The following DENND2A variants were observed in gnomAD, a reference collection of about 807,000 sequenced individuals.
The protein encoded by DENND2A is DENN domain-containing protein 2A.
In DENND2A, 53 loss-of-function variants were observed where a neutral mutation model predicts 105.3. That is an observed-to-expected ratio of 0.50 (90% CI 0.40 to 0.63). The LOEUF is 0.63. Among genes scored for constraint, DENND2A ranks in the 30% least tolerant of loss-of-function variants. The pLI is 0.00. For missense variants in DENND2A, 1,138 were observed against 1,279.6 expected (o/e 0.89, Z 1.69); for synonymous variants, 522 against 508.4 (o/e 1.03, Z -0.36).
chr7:140,637,424 G>A (rs1159468479), intron 1 of DENND2A, among the ~76,000 whole-genome samples: 1 of 152,208 alleles, frequency 6.6e-6, no homozygotes, highest in African/African-American at 2.4e-5. Context: ...CCAAAGGGAA[G>A]AGCCTGGCCA....
chr7:140,525,493 A>C (rs977664617), intron 16 of DENND2A, among the ~76,000 whole-genome samples: 1 of 152,184 alleles, frequency 6.6e-6, no homozygotes, highest in Admixed American at 6.5e-5. Context: ...TATAGTTATA[A>C]GATTACAAAG....
At chr7:140,581,468 G>A (rs1411763290) in intron 5 of DENND2A, among the ~76,000 whole-genome samples, 1 of 152,178 alleles carries the variant, frequency 6.6e-6, no homozygotes, top group East Asian at 1.9e-4. Flanking sequence ...CTAATGAAAT[G>A]AACATCCCAA....
chr7:140,527,270 G>A lies in DENND2A; in HGVS notation c.2505+48C>T. 1 of 1,510,508 alleles carries A rather than the reference G, an allele frequency of 6.6e-7. No individual in the cohort carries two copies. The highest frequency in any genetic ancestry group is 8.9e-7 in the Non-Finnish European group (1 of 1,123,418). 93.6% of individuals were successfully genotyped at this position (1,510,508 alleles called of 1,614,324 possible). A position where few individuals can be genotyped will look rare whatever the true frequency, so the allele number is the denominator to read the frequency against. ...GCCTGCAGAGCCAGCGCCCCGCTCT[G>A]TTCTCCGCACCCTGCAGGGAGGGGG... On this transcript the variant is annotated intron_variant, in intron 15 of 19. Transcript: ENST00000496613. This position sits in a 1 kb window ranked among gnomAD's most constrained non-coding sequence, Gnocchi z 4.9.
intron 5 of DENND2A, among the ~76,000 whole-genome samples, chr7:140,577,321 T>C (rs1378614576): frequency 1.3e-5 from 2 of 151,944 alleles, no homozygotes; most frequent in African/African-American, 4.8e-5. Flanking sequence ...GATACAGCAA[T>C]GAAGACATCT....
intron 13 of DENND2A, among the ~76,000 whole-genome samples, chr7:140,545,774 G>A (rs1163721612): frequency 6.6e-6 from 1 of 152,074 alleles, no homozygotes; most frequent in Non-Finnish European, 1.5e-5. Context: ...CCTCCCTCCC[G>A]GTGAGCAGAG....
chr7:140,597,896 A>G (rs1413533617), intron 3 of DENND2A, among the ~76,000 whole-genome samples: 1 of 152,074 alleles, frequency 6.6e-6, no homozygotes, highest in African/African-American at 2.4e-5. Context: ...ATTATTGGAG[A>G]TGGATTCAGA....
chr7:140,582,212 G>T (rs1366184027), intron 5 of DENND2A, among the ~76,000 whole-genome samples: 2 of 152,004 alleles, frequency 1.3e-5, no homozygotes, highest in South Asian at 4.1e-4. Context: ...TGATCCACCC[G>T]CCTTGGCCTC....
intron 1 of DENND2A, among the ~76,000 whole-genome samples, chr7:140,619,947 C>G (rs1800218663): frequency 6.6e-6 from 1 of 151,876 alleles, no homozygotes; most frequent in South Asian, 2.1e-4. Context: ...AACCCCAGCA[C>G]TTTGGAAGGC....
intron 12 of DENND2A, among the ~76,000 whole-genome samples, chr7:140,548,898 A>G (rs997719966): frequency 2.0e-5 from 3 of 151,890 alleles, no homozygotes; most frequent in South Asian, 4.2e-4. Flanking sequence ...GGCATGAGCC[A>G]CTGTGCTGGC....
At chr7:140,578,241 A>C (rs2130623847) in intron 5 of DENND2A, among the ~76,000 whole-genome samples, 1 of 152,282 alleles carries the variant, frequency 6.6e-6, no homozygotes, top group African/African-American at 2.4e-5. Flanking sequence ...TGGGGGGTGC[A>C]GTGGCAAGGA....
At chr7:140,562,968 A>G (rs558945771) in intron 9 of DENND2A, among the ~76,000 whole-genome samples, 1 of 152,334 alleles carries the variant, frequency 6.6e-6, no homozygotes, top group East Asian at 1.9e-4. Context: ...TGTCCCCTAA[A>G]CAGTAATTTT....
At chr7:140,533,360 C>T (rs1235764022) in intron 14 of DENND2A, among the ~76,000 whole-genome samples, 1 of 152,154 alleles carries the variant, frequency 6.6e-6, no homozygotes, top group East Asian at 1.9e-4. Flanking sequence ...CTGCTCCCTT[C>T]TCCTTGCTGT....
intron 14 of DENND2A, among the ~76,000 whole-genome samples, chr7:140,528,083 C>T (rs539329875): frequency 1.2e-4 from 19 of 152,128 alleles, no homozygotes; most frequent in African/African-American, 3.6e-4. Context: ...TCAAGTGATC[C>T]GCCCACCTCA....
intron 5 of DENND2A, among the ~76,000 whole-genome samples, chr7:140,575,968 CA>C (rs34179994): frequency 6.9e-6 from 1 of 145,118 alleles, no homozygotes. Context: ...GACTCTATCT[CA>C]AAAAAAAATA....
rs572071507 is a variant in DENND2A, at chr7:140,553,648, T to C, written c.2037+1988A>G. Among the ~76,000 whole-genome samples, 3 of 152,292 alleles carry C rather than the reference T, an allele frequency of 2.0e-5. No homozygotes were observed. The South Asian group carries it at 6.2e-4, about 32-fold the overall frequency. On this transcript the variant is annotated intron_variant, in intron 12 of 19. Coordinates refer to ENST00000496613, the MANE Select transcript of DENND2A (RefSeq NM_015689.5). ...TCCTAGGCAGAGGTCCCTGCGGCCT[T>C]CCGCAGTGTTTGTGTCCCTGGGTAC...
intron 6 of DENND2A, among the ~76,000 whole-genome samples, chr7:140,570,574 G>A (rs1319513949): frequency 6.6e-6 from 1 of 152,186 alleles, no homozygotes; most frequent in Non-Finnish European, 1.5e-5. Context: ...ATGCACCCGA[G>A]CGTGCAGCCC....
At chr7:140,534,404 A>G (rs1796387431) in intron 14 of DENND2A, among the ~76,000 whole-genome samples, 1 of 152,212 alleles carries the variant, frequency 6.6e-6, no homozygotes, top group South Asian at 2.1e-4. Context: ...TCTAAAAACA[A>G]TTCTGCCCCT....
intron 1 of DENND2A, among the ~76,000 whole-genome samples, chr7:140,626,394 G>T (rs1800532322): frequency 6.6e-6 from 1 of 152,080 alleles, no homozygotes; most frequent in African/African-American, 2.4e-5. Context: ...GACCTCACTG[G>T]ATAGTAATCC....
chr7:140,527,505 G>A lies in DENND2A; in HGVS notation c.2328-10C>T, dbSNP rs764141635. On this transcript the variant is annotated splice_polypyrimidine_tract_variant and intron_variant, in intron 14 of 19. Coordinates refer to ENST00000496613, the MANE Select transcript of DENND2A (RefSeq NM_015689.5). The surrounding 1 kb of genome is among the most constrained non-coding windows in gnomAD (Gnocchi z 4.9). ...GCACTTGGACAGGATGCTGCAGCCGGGGAGAGAACAGGGAGAGAGGCCGAC... is the reference window on the plus strand; with the variant it reads ...GCACTTGGACAGGATGCTGCAGCCGAGGAGAGAACAGGGAGAGAGGCCGAC... 3 of 1,590,450 alleles carry A rather than the reference G, an allele frequency of 1.9e-6. No homozygotes were observed. Among genetic ancestry groups the A allele is most frequent in the Admixed American group, 3.4e-5 (2 of 58,012 alleles).
Sources: allele counts gnomAD v4.1 joint callset (sites outside exome capture counted in the v4.1 genomes callset), GRCh38; gene constraint gnomAD v4.1.1; non-coding constraint Gnocchi (gnomAD v3.1); transcripts MANE v1.5; gene names NCBI Gene and HGNC (gene_info 2026-07-23, HGNC 2026-07-21).